The following CCDC85A variants were observed in gnomAD, a reference collection of about 807,000 sequenced individuals.
CCDC85A encodes the protein coiled-coil domain containing 85A, also known as coiled-coil domain-containing protein 85A.
In CCDC85A, 38 loss-of-function variants were observed where a neutral mutation model predicts 50.2. The observed-to-expected ratio is 0.76, with a 90% CI of 0.58 to 0.99. The LOEUF is 0.99. CCDC85A is among the 50% of genes least tolerant of loss of function. The probability of loss-of-function intolerance (pLI) is 0.00; values close to 1 mark genes in which losing one functional copy is unlikely to be tolerated. For synonymous variants in CCDC85A, 366 were observed against 301.4 expected (o/e 1.21, Z -2.22); for missense variants, 820 against 742.0 (o/e 1.11, Z -1.22).
At chr2:56,251,562 T>C (rs1048021733) in intron 2 of CCDC85A, among the ~76,000 whole-genome samples, 3 of 152,154 alleles carry the variant, frequency 2.0e-5, no homozygotes, top group African/African-American at 4.8e-5. Context: ...TGGCTTAACC[T>C]CCCTTGGTCT....
intron 2 of CCDC85A, among the ~76,000 whole-genome samples, chr2:56,223,118 A>G (rs1461082748): frequency 6.6e-6 from 1 of 152,190 alleles, no homozygotes; most frequent in Non-Finnish European, 1.5e-5. Context: ...GCCTTGAGCA[A>G]TGGCAGCATC....
At chr2:56,309,688 A>G (rs1245750445) in intron 2 of CCDC85A, among the ~76,000 whole-genome samples, 1 of 152,256 alleles carries the variant, frequency 6.6e-6, no homozygotes, top group East Asian at 1.9e-4. Context: ...AGGTTTTTGA[A>G]CAAATTAAAG....
intron 2 of CCDC85A, among the ~76,000 whole-genome samples, chr2:56,331,381 T>C (rs528210853): frequency 2.6e-5 from 4 of 152,322 alleles, no homozygotes; most frequent in Non-Finnish European, 4.4e-5. Flanking sequence ...TCTGCACATG[T>C]ATCCCAGAAT....
chr2:56,314,283 A>G (rs1480584253), intron 2 of CCDC85A, among the ~76,000 whole-genome samples: 1 of 151,422 alleles, frequency 6.6e-6, no homozygotes, highest in Admixed American at 6.6e-5. Context: ...AAGAGATAGT[A>G]CTGACCTAGA....
chr2:56,249,178 A>C (rs1214150313), intron 2 of CCDC85A, among the ~76,000 whole-genome samples: 1 of 152,224 alleles, frequency 6.6e-6, no homozygotes, highest in Non-Finnish European at 1.5e-5. Context: ...ACTCATATAG[A>C]TCAGAGCTGC....
At chr2:56,337,421 T>A (rs924032980) in intron 2 of CCDC85A, among the ~76,000 whole-genome samples, 3 of 152,354 alleles carry the variant, frequency 2.0e-5, no homozygotes, top group African/African-American at 7.2e-5. Context: ...CACTGGATTA[T>A]CGTGATTTGA....
At position 56,291,218 on chromosome 2, in the gene CCDC85A, C is replaced by T. The variant is rs114659655; in HGVS notation, c.1241-51661C>T. ...ATGTCTTAATCTTTGAGTAGAGGCT[C>T]AGTGACAAAAAGATGCATAGATGGA... On this transcript the variant is annotated intron_variant, in intron 2 of 5. Transcript: ENST00000407595. 7.3e-3 allele frequency among the ~76,000 whole-genome samples: 1,110 copies of T among 152,272 alleles called. 12 individuals are homozygous for T. Among genetic ancestry groups the T allele is most frequent in the African/African-American group, 0.025 (1,037 of 41,544 alleles).
At chr2:56,287,725 T>C (rs976396962) in intron 2 of CCDC85A, among the ~76,000 whole-genome samples, 2 of 152,222 alleles carry the variant, frequency 1.3e-5, no homozygotes, top group African/African-American at 4.8e-5. Context: ...AGCCAATTCT[T>C]TCTCCTTTAT....
intron 2 of CCDC85A, among the ~76,000 whole-genome samples, chr2:56,302,485 G>T (rs553339502): frequency 7.2e-5 from 11 of 152,234 alleles, no homozygotes; most frequent in African/African-American, 2.6e-4. Flanking sequence ...TTATTTTTCT[G>T]TCACCTGACA....
chr2:56,195,101 T>C (rs1676473951), intron 2 of CCDC85A, among the ~76,000 whole-genome samples: 1 of 152,216 alleles, frequency 6.6e-6, no homozygotes, highest in African/African-American at 2.4e-5. Flanking sequence ...AAGGAAACTT[T>C]GTCTCTGAAA....
At chr2:56,382,070 C>A (rs369091493) in intron 5 of CCDC85A, among the ~76,000 whole-genome samples, 3 of 151,842 alleles carry the variant, frequency 2.0e-5, no homozygotes, top group African/African-American at 7.3e-5. Flanking sequence ...GATTCTTAAG[C>A]AATTTTATAT....
intron 2 of CCDC85A, among the ~76,000 whole-genome samples, chr2:56,212,604 G>A (rs1171663701): frequency 1.3e-5 from 2 of 152,004 alleles, no homozygotes; most frequent in East Asian, 3.9e-4. Context: ...TTATATATTT[G>A]TGTGTATTTC....
intron 2 of CCDC85A, among the ~76,000 whole-genome samples, chr2:56,320,547 G>A (rs1029660439): frequency 6.6e-6 from 1 of 152,080 alleles, no homozygotes; most frequent in African/African-American, 2.4e-5. Flanking sequence ...TAGAAGAAAT[G>A]GATCAATTCC....
intron 2 of CCDC85A, among the ~76,000 whole-genome samples, chr2:56,324,383 C>T (rs901821885): frequency 6.6e-6 from 1 of 151,920 alleles, no homozygotes; most frequent in Non-Finnish European, 1.5e-5. Context: ...AGTGGTGATG[C>T]TCCCTATAGC....
chr2:56,287,480 T>C (rs976364459), intron 2 of CCDC85A, among the ~76,000 whole-genome samples: 2 of 152,228 alleles, frequency 1.3e-5, no homozygotes, highest in African/African-American at 2.4e-5. Flanking sequence ...TATTGTCCAA[T>C]GTCTGAAAAC....
At chr2:56,245,294 C>T (rs1167463145) in intron 2 of CCDC85A, among the ~76,000 whole-genome samples, 1 of 152,230 alleles carries the variant, frequency 6.6e-6, no homozygotes. Context: ...TCTAAATGCT[C>T]CCTCTATGAG....
intron 2 of CCDC85A, among the ~76,000 whole-genome samples, chr2:56,271,295 A>G (rs1670685708): frequency 1.3e-5 from 2 of 152,178 alleles, no homozygotes. Flanking sequence ...CAGGGTTGGT[A>G]TATAGCATGC....
intron 2 of CCDC85A, among the ~76,000 whole-genome samples, chr2:56,316,991 T>A (rs940317570): frequency 2.5e-4 from 38 of 152,276 alleles, no homozygotes; most frequent in African/African-American, 7.9e-4. Flanking sequence ...TTTCTTCTAT[T>A]TTCTGTTAAA....
At chr2:56,207,985 A>T (rs1015259675) in intron 2 of CCDC85A, among the ~76,000 whole-genome samples, 1 of 152,192 alleles carries the variant, frequency 6.6e-6, no homozygotes, top group African/African-American at 2.4e-5. Context: ...TTTAATTGTG[A>T]CATCAGTAGA....
Sources: allele counts gnomAD v4.1 joint callset (sites outside exome capture counted in the v4.1 genomes callset), GRCh38; gene constraint gnomAD v4.1.1; transcripts MANE v1.5; gene names NCBI Gene and HGNC (gene_info 2026-07-23, HGNC 2026-07-21).